FTO: variants seen among roughly 807,000 people sequenced by gnomAD.
FTO encodes the protein alpha-ketoglutarate-dependent dioxygenase FTO.
Under a neutral mutation model 63.9 loss-of-function variants are expected in FTO, and 47 were observed. The observed-to-expected ratio is 0.74, with a 90% CI of 0.58 to 0.94. FTO has a LOEUF of 0.94. FTO is among the 40% of genes least tolerant of loss of function. The probability of loss-of-function intolerance (pLI) is 0.00; values close to 1 mark genes in which losing one functional copy is unlikely to be tolerated. For missense variants in FTO, 562 were observed against 618.1 expected, an observed-to-expected ratio of 0.91 and a Z score of 0.96; for synonymous variants, 207 against 224.4, an observed-to-expected ratio of 0.92 and a Z score of 0.69.
chr16:53,907,238 A>G (rs1015996706), intron 7 of FTO, among the ~76,000 whole-genome samples: 3 of 152,226 alleles, frequency 2.0e-5, no homozygotes, highest in African/African-American at 7.2e-5. Flanking sequence ...ACCCAACATC[A>G]TAGATTAGCC....
At position 54,088,130 on chromosome 16, in the gene FTO, G is replaced by A. The variant is rs187618488; in HGVS notation, c.1365-23632G>A. 4.3e-3 allele frequency among the ~76,000 whole-genome samples: 651 copies of A among 152,250 alleles called. 12 individuals carry two copies. Among genetic ancestry groups the A allele is most frequent in the Admixed American group, 0.032 (484 of 15,298 alleles). On this transcript the variant is annotated intron_variant, in intron 8 of 8. Transcript: ENST00000471389. ...ACTGCTTCCAAACATAGACCTTCTT[G>A]CCCTTCCAAATATTCTTCTATGCAT...
At chr16:53,915,602 G>A (rs1053183348) in intron 7 of FTO, among the ~76,000 whole-genome samples, 2 of 152,178 alleles carry the variant, frequency 1.3e-5, no homozygotes, top group South Asian at 2.1e-4. Context: ...CAACATGAAG[G>A]CATCTTTGTT....
At chr16:53,987,016 A>G (rs1480327683) in intron 8 of FTO, among the ~76,000 whole-genome samples, 1 of 152,210 alleles carries the variant, frequency 6.6e-6, no homozygotes, top group African/African-American at 2.4e-5. Flanking sequence ...TCTGTTTTAC[A>G]TGCATGTAAT....
rs2080885685 is a variant in FTO, at chr16:53,883,141, C to CA, written c.1119+3160dup. On this transcript the variant is annotated intron_variant, in intron 6 of 8. Coordinates refer to ENST00000471389, the MANE Select transcript of FTO (RefSeq NM_001080432.3). Reference sequence around the variant, plus strand: ...TCTCAAAATGTAGTTATTTCCTTCGCAAAAAATCTCACAATTTTCAGTGTC... The same window carrying CA: ...TCTCAAAATGTAGTTATTTCCTTCGCAAAAAAATCTCACAATTTTCAGTGTC... 2.0e-5 allele frequency among the ~76,000 whole-genome samples: 3 copies of CA among 152,246 alleles called. No individual in the cohort carries two copies. In the South Asian group the frequency reaches 6.2e-4, roughly 32 times the overall value.
At chr16:53,963,573 G>A (rs1248053047) in intron 8 of FTO, among the ~76,000 whole-genome samples, 1 of 152,138 alleles carries the variant, frequency 6.6e-6, no homozygotes, top group African/African-American at 2.4e-5. Flanking sequence ...GCCCTTGTGA[G>A]ATCTGGTTGT....
At chr16:53,969,818 T>C (rs1450027768) in intron 8 of FTO, among the ~76,000 whole-genome samples, 2 of 152,202 alleles carry the variant, frequency 1.3e-5, no homozygotes, top group African/African-American at 4.8e-5. Flanking sequence ...TCTATCTCTG[T>C]CTCAGGAAAC....
At chr16:53,814,052 C>T (rs1170943039) in intron 2 of FTO, among the ~76,000 whole-genome samples, 2 of 152,064 alleles carry the variant, frequency 1.3e-5, no homozygotes, top group Non-Finnish European at 2.9e-5. Context: ...GGAGTTCAGC[C>T]CATATTTGTC....
At chr16:53,989,253 G>A (rs1369681908) in intron 8 of FTO, among the ~76,000 whole-genome samples, 1 of 152,194 alleles carries the variant, frequency 6.6e-6, no homozygotes, top group East Asian at 1.9e-4. Flanking sequence ...AGAATGAACA[G>A]GGAGTTGGAG....
intron 1 of FTO, among the ~76,000 whole-genome samples, chr16:53,793,859 A>G (rs1165777416): frequency 1.3e-5 from 2 of 152,260 alleles, no homozygotes. Context: ...ATGCAAATAA[A>G]GTATAGATTC....
intron 8 of FTO, chr16:53,956,768 T>A (rs1168482789): frequency 6.6e-6 from 1 of 152,170 alleles, no homozygotes; most frequent in African/African-American, 2.4e-5. Flanking sequence ...GTTCAAGTGA[T>A]TCTCCTGCCT....
intron 7 of FTO, among the ~76,000 whole-genome samples, chr16:53,914,616 G>A (rs535287081): frequency 6.6e-6 from 1 of 152,224 alleles, no homozygotes; most frequent in East Asian, 1.9e-4. Flanking sequence ...ACCCCACAGC[G>A]TAAAATCTCA....
chr16:54,088,189 T>C (rs994315199), intron 8 of FTO, among the ~76,000 whole-genome samples: 1 of 152,232 alleles, frequency 6.6e-6, no homozygotes, highest in African/African-American at 2.4e-5. Flanking sequence ...GACAAACATA[T>C]GTTTTCCTTA....
In FTO at chr16:53,900,608, C is replaced by CTTTT. The variant is rs752080961; in HGVS notation, c.1239+11681_1239+11684dup. 6.3e-4 allele frequency among the ~76,000 whole-genome samples: 42 copies of CTTTT among 67,194 alleles called. 6 individuals are homozygous for CTTTT. The highest frequency in any genetic ancestry group is 3.2e-3 in the East Asian group (5 of 1,584). 44.1% of individuals were successfully genotyped at this position (67,194 alleles called of 152,430 possible). The stretch of plus-strand genomic sequence containing the variant: ...CAGTCATTTAATCATTCATCTGCTC[C>CTTTT]TTTTTTTTTTTTTTTTTTTTTTTTT... On this transcript the variant is annotated intron_variant, in intron 7 of 8. Transcript: ENST00000471389.
chr16:53,868,175 T>C (rs2080385416), intron 4 of FTO, among the ~76,000 whole-genome samples: 1 of 152,186 alleles, frequency 6.6e-6, no homozygotes, highest in South Asian at 2.1e-4. Context: ...ATTTAGACCA[T>C]GGGCATTTAA....
At chr16:53,713,613 A>C (rs2075826869) in intron 1 of FTO, among the ~76,000 whole-genome samples, 1 of 152,212 alleles carries the variant, frequency 6.6e-6, no homozygotes, top group South Asian at 2.1e-4. Flanking sequence ...TTGTGTTGGT[A>C]GGGGCTTGTT....
At position 54,111,926 on chromosome 16, in the gene FTO, A is replaced by G; in HGVS notation, c.*11A>G. The G allele has an allele frequency of 6.2e-7, 1 of 1,614,062 alleles. No homozygotes were observed. Among genetic ancestry groups the G allele is most frequent in the South Asian group, 1.1e-5 (1 of 91,062 alleles). ...GAAGCAAAACCCTAGAAGGAGCACA[A>G]GTCTCAGGCGGAGGAGAAAAAGAGA... On this transcript the variant is annotated 3_prime_UTR_variant, in exon 9 of 9. Coordinates refer to ENST00000471389, the MANE Select transcript of FTO (RefSeq NM_001080432.3).
At chr16:53,816,408 AGCC>A (rs950249866) in intron 2 of FTO, among the ~76,000 whole-genome samples, 2 of 152,180 alleles carry the variant, frequency 1.3e-5, no homozygotes, top group African/African-American at 2.4e-5. Flanking sequence ...GCTTCCCATC[AGCC>A]TAGGACCTGA....
At chr16:53,726,643 A>G (rs150698393) in intron 1 of FTO, among the ~76,000 whole-genome samples, 39 of 152,330 alleles carry the variant, frequency 2.6e-4, no homozygotes, top group African/African-American at 6.7e-4. Flanking sequence ...TGAATTGGCA[A>G]TGGTCTCATT....
chr16:53,879,715 G>C (rs76862609), intron 5 of FTO, 129 bp from the exon 6 acceptor site: 1 of 795,284 alleles, frequency 1.3e-6, no homozygotes, highest in Non-Finnish European at 2.0e-6. Flanking sequence ...AAAAAAAAAG[G>C]AGTATAGACT....
Sources: allele counts gnomAD v4.1 joint callset (sites outside exome capture counted in the v4.1 genomes callset), GRCh38; gene constraint gnomAD v4.1.1; transcripts MANE v1.5; gene names NCBI Gene and HGNC (gene_info 2026-07-23, HGNC 2026-07-21).